FBP2: variants seen among roughly 807,000 people sequenced by gnomAD.
FBP2 encodes fructose-1,6-bisphosphatase isozyme 2.
In FBP2, 27 loss-of-function variants were observed where a neutral mutation model predicts 31.6. The observed-to-expected ratio is 0.85, with a 90% CI of 0.63 to 1.18. The LOEUF (loss-of-function observed/expected upper bound fraction) is 1.18. Among genes scored for constraint, FBP2 ranks in the 50% most tolerant of loss-of-function variants. The pLI is 0.00. For synonymous variants in FBP2, 168 were observed against 179.8 expected (o/e 0.93, Z 0.53); for missense variants, 421 against 436.1 (o/e 0.97, Z 0.31).
In FBP2 at chr9:94,582,380, GTGTGTGTA is replaced by G. The variant is rs997338171; in HGVS notation, c.426+2189_426+2196del. Among the ~76,000 whole-genome samples, 6 of 131,126 alleles carry G rather than the reference GTGTGTGTA, an allele frequency of 4.6e-5. No individual in the cohort carries two copies. The East Asian group carries it at 7.5e-4, about 16-fold the overall frequency. The allele number at this position is 131,126 out of a possible 152,430, so 86.0% of individuals were successfully genotyped here. A position where few individuals can be genotyped will look rare whatever the true frequency, so the allele number is the denominator to read the frequency against. On this transcript the variant is annotated intron_variant, in intron 3 of 6. Transcript: ENST00000375337. ...TGTGTGTGTGTGTGTGTGTGTGTGT[GTGTGTGTA>G]TAGTTTGTTTGTTTTGAGAGGGAGT...
At chr9:94,584,818 G>A (rs1014611030) in intron 2 of FBP2, 149 bp from the exon 3 acceptor site, 17 of 631,492 alleles carry the variant, frequency 2.7e-5, no homozygotes, top group Non-Finnish European at 3.5e-5. Context: ...CATGACTTAC[G>A]GAGGGCAGGG....
At chr9:94,575,307 G>T (rs2131453096) in intron 3 of FBP2, among the ~76,000 whole-genome samples, 1 of 152,226 alleles carries the variant, frequency 6.6e-6, no homozygotes, top group Non-Finnish European at 1.5e-5. Flanking sequence ...TCCTGCCAAA[G>T]GTAACCTCTA....
chr9:94,563,737 G>C (rs200662442), intron 5 of FBP2, among the ~76,000 whole-genome samples: 11 of 148,564 alleles, frequency 7.4e-5, no homozygotes, highest in East Asian at 3.9e-4. Flanking sequence ...AACAAACAAA[G>C]AAAAAGGAAG....
At chr9:94,561,220 C>T (rs1352523292) in intron 6 of FBP2, among the ~76,000 whole-genome samples, 1 of 152,146 alleles carries the variant, frequency 6.6e-6, no homozygotes, top group Non-Finnish European at 1.5e-5. Context: ...AGCATTAGTA[C>T]CTAATGCGCT....
chr9:94,574,854 T>C (rs929438125), intron 3 of FBP2, among the ~76,000 whole-genome samples: 1 of 152,180 alleles, frequency 6.6e-6, no homozygotes, highest in Non-Finnish European at 1.5e-5. Context: ...GGTCCTGAGA[T>C]TTCAAAAACC....
intron 5 of FBP2, among the ~76,000 whole-genome samples, chr9:94,564,239 CA>C (rs1464624917): frequency 6.6e-6 from 1 of 152,186 alleles, no homozygotes; most frequent in Non-Finnish European, 1.5e-5. Flanking sequence ...AGACGTAAAA[CA>C]ATCCTCAGCA....
chr9:94,582,547 A>ATTTTT, intron 3 of FBP2, among the ~76,000 whole-genome samples: 1 of 132,234 alleles, frequency 7.6e-6, no homozygotes. Flanking sequence ...CTCTTGGCTA[A>ATTTTT]TTTTTTTTTT....
intron 3 of FBP2, among the ~76,000 whole-genome samples, chr9:94,578,331 C>A (rs1376539024): frequency 6.6e-6 from 1 of 152,136 alleles, no homozygotes; most frequent in African/African-American, 2.4e-5. Flanking sequence ...AATGTTCGGA[C>A]TTTTAAAATG....
chr9:94,592,838 A>G (rs144871387), intron 1 of FBP2, among the ~76,000 whole-genome samples: 526 of 152,234 alleles, frequency 3.5e-3, no homozygotes, highest in African/African-American at 0.012. Context: ...TGGCCACCGG[A>G]TTCTTTTTAT....
intron 4 of FBP2, among the ~76,000 whole-genome samples, 193 bp downstream of exon 4, chr9:94,571,269 G>A (rs756594777): frequency 9.2e-5 from 14 of 152,120 alleles, no homozygotes; most frequent in Non-Finnish European, 1.8e-4. Flanking sequence ...TCCTCCCCCC[G>A]AGTGCCCTCA....
chr9:94,559,994 G>A (rs887828777), intron 6 of FBP2, among the ~76,000 whole-genome samples: 5 of 152,146 alleles, frequency 3.3e-5, no homozygotes, highest in African/African-American at 7.2e-5. Flanking sequence ...GTGTGGTAGC[G>A]CACACCTGTG....
chr9:94,587,309 G>C lies in FBP2; in HGVS notation c.331C>G (p.Arg111Gly). ...KDAIITAKEK[R>G]GKYVVCFDPL... ...GGCACCGCAGCCCCATGACGCACCCGCTTCTCCTTGGCGGTGATGATGGCG... is the reference window on the plus strand; with the variant it reads ...GGCACCGCAGCCCCATGACGCACCCCCTTCTCCTTGGCGGTGATGATGGCG... Residue 111 changes from arginine (R) to glycine (G), a missense_variant and splice_region_variant, in exon 2 of 7, where the codon CGG becomes GGG. Coordinates refer to ENST00000375337, the MANE Select transcript of FBP2 (RefSeq NM_003837.4). The C allele has an allele frequency of 6.2e-7, 1 of 1,609,318 alleles. No homozygotes were observed. The highest frequency in any genetic ancestry group is 8.5e-7 in the Non-Finnish European group (1 of 1,178,620).
At chr9:94,578,047 A>T (rs1002749283) in intron 3 of FBP2, among the ~76,000 whole-genome samples, 1 of 152,244 alleles carries the variant, frequency 6.6e-6, no homozygotes, top group Non-Finnish European at 1.5e-5. Flanking sequence ...TATTAGTAAA[A>T]TAAAAACAAA....
chr9:94,575,234 C>G (rs1827305029), intron 3 of FBP2, among the ~76,000 whole-genome samples: 1 of 152,126 alleles, frequency 6.6e-6, no homozygotes, highest in African/African-American at 2.4e-5. Flanking sequence ...ACATTTCCAG[C>G]AACCTAGTGG....
At chr9:94,564,686 G>A (rs1827160288) in intron 5 of FBP2, among the ~76,000 whole-genome samples, 1 of 151,962 alleles carries the variant, frequency 6.6e-6, no homozygotes, top group Admixed American at 6.6e-5. Context: ...AGGAGGGGGA[G>A]GAGCAGAAAA....
At chr9:94,590,029 G>T (rs1269072486) in intron 1 of FBP2, among the ~76,000 whole-genome samples, 1 of 152,104 alleles carries the variant, frequency 6.6e-6, no homozygotes, top group Admixed American at 6.5e-5. Flanking sequence ...CCTCTGTCCT[G>T]CGCTTTGCAA....
chr9:94,582,673 A>G (rs897592203), intron 3 of FBP2, among the ~76,000 whole-genome samples: 7 of 149,804 alleles, frequency 4.7e-5, no homozygotes, highest in African/African-American at 1.2e-4. Flanking sequence ...TCAGCCTCCC[A>G]AGTAGCTGGG....
intron 6 of FBP2, among the ~76,000 whole-genome samples, chr9:94,562,107 C>A (rs184165606): frequency 9.9e-5 from 15 of 151,982 alleles, no homozygotes; most frequent in East Asian, 5.8e-4. Flanking sequence ...GTCAGGAGAT[C>A]GAGACCATCC....
At chr9:94,566,873 C>A (rs991021218) in intron 5 of FBP2, among the ~76,000 whole-genome samples, 12 of 152,220 alleles carry the variant, frequency 7.9e-5, no homozygotes, top group Non-Finnish European at 7.4e-5. Context: ...CTTTTAATTT[C>A]ATTTTTCCAT....
Sources: allele counts gnomAD v4.1 joint callset (sites outside exome capture counted in the v4.1 genomes callset), GRCh38; gene constraint gnomAD v4.1.1; transcripts MANE v1.5; gene names NCBI Gene and HGNC (gene_info 2026-07-23, HGNC 2026-07-21).